The following MACROD2 variants were observed in gnomAD, a reference collection of about 807,000 sequenced individuals.
The protein encoded by MACROD2 is ADP-ribose glycohydrolase MACROD2.
A neutral mutation model predicts 70.4 loss-of-function variants in MACROD2; 36 were observed. The ratio of observed to expected loss-of-function variants is 0.51; its 90% CI spans 0.39 to 0.68. MACROD2 has a LOEUF of 0.68. MACROD2 is among the 30% of genes least tolerant of loss of function. The pLI, the probability that MACROD2 is intolerant of heterozygous loss-of-function variation, is 0.00. For missense variants in MACROD2, 496 were observed against 538.4 expected (o/e 0.92, Z 0.78); for synonymous variants, 172 against 178.8 (o/e 0.96, Z 0.30).
intron 3 of MACROD2, among the ~76,000 whole-genome samples, chr20:14,163,027 G>A (rs745696069): frequency 1.3e-5 from 2 of 151,968 alleles, no homozygotes; most frequent in Non-Finnish European, 2.9e-5. Flanking sequence ...TTTTATTTGT[G>A]TTTGCTTCAC....
intron 8 of MACROD2, among the ~76,000 whole-genome samples, chr20:15,671,020 A>G (rs1349208362): frequency 5.3e-5 from 8 of 152,244 alleles, no homozygotes; most frequent in African/African-American, 1.9e-4. Context: ...TTAAAACAGT[A>G]ACAATTTAAT....
chr20:15,664,229 A>G (rs1024975575), intron 8 of MACROD2, among the ~76,000 whole-genome samples: 8 of 152,220 alleles, frequency 5.3e-5, no homozygotes, highest in Non-Finnish European at 1.2e-4. Context: ...TTAAGAAAAT[A>G]GGGGGGATGG....
chr20:14,990,802 A>G (rs1314914334), intron 5 of MACROD2, among the ~76,000 whole-genome samples: 2 of 151,936 alleles, frequency 1.3e-5, no homozygotes, highest in South Asian at 2.1e-4. Flanking sequence ...GTGAGCCACC[A>G]CGCCCGGCTG....
chr20:15,995,649 C>CTTTGTTTTTTTTTTTTTTTTTTT (rs2066619000), intron 15 of MACROD2, among the ~76,000 whole-genome samples: 1 of 85,508 alleles, frequency 1.2e-5, no homozygotes, highest in Non-Finnish European at 2.3e-5. Flanking sequence ...TATGCCCGGC[C>CTTTGTTTTTTTTTTTTTTTTTTT]TTTTTTTTTT....
chr20:14,732,971 TAA>T (rs2071616505), intron 5 of MACROD2, among the ~76,000 whole-genome samples: 2 of 152,148 alleles, frequency 1.3e-5, no homozygotes, highest in African/African-American at 4.8e-5. Context: ...AATAGAAGAA[TAA>T]AAGACATAGC....
intron 5 of MACROD2, among the ~76,000 whole-genome samples, chr20:14,804,867 G>A (rs942138900): frequency 1.3e-5 from 2 of 151,076 alleles, no homozygotes; most frequent in Admixed American, 1.3e-4. Flanking sequence ...GTGTGTGTGT[G>A]TGTGTGCTTT....
chr20:14,082,115 A>G (rs2054002468), intron 2 of MACROD2, among the ~76,000 whole-genome samples: 1 of 151,992 alleles, frequency 6.6e-6, no homozygotes. Context: ...TTTTGAAACA[A>G]CTGAACGGTG....
intron 4 of MACROD2, among the ~76,000 whole-genome samples, chr20:14,579,818 T>A (rs1193477555): frequency 6.6e-6 from 1 of 152,210 alleles, no homozygotes; most frequent in Non-Finnish European, 1.5e-5. Flanking sequence ...CTGTGAGGAA[T>A]AAAGTAGTTG....
chr20:14,167,074 C>T (rs1025768888), intron 3 of MACROD2, among the ~76,000 whole-genome samples: 2 of 152,144 alleles, frequency 1.3e-5, no homozygotes, highest in African/African-American at 4.8e-5. Flanking sequence ...TACTCTTTAA[C>T]ATGTCTTGAT....
chr20:14,523,958 G>A (rs1055967337), intron 4 of MACROD2, among the ~76,000 whole-genome samples: 9 of 152,132 alleles, frequency 5.9e-5, no homozygotes, highest in African/African-American at 9.7e-5. Context: ...TGATCCGGAC[G>A]TTGTTCATCT....
intron 5 of MACROD2, among the ~76,000 whole-genome samples, chr20:15,129,939 G>A (rs1161029037): frequency 1.3e-5 from 2 of 152,122 alleles, no homozygotes; most frequent in Non-Finnish European, 2.9e-5. Flanking sequence ...ACAGAAAGCA[G>A]TAGAGGGGTA....
intron 5 of MACROD2, among the ~76,000 whole-genome samples, chr20:14,818,448 T>C (rs1474773202): frequency 3.3e-5 from 5 of 152,210 alleles, no homozygotes; most frequent in African/African-American, 1.2e-4. Context: ...TGCATTCATA[T>C]AGAAAAGGGA....
At chr20:14,073,897 G>A (rs965813288) in intron 2 of MACROD2, among the ~76,000 whole-genome samples, 2 of 152,150 alleles carry the variant, frequency 1.3e-5, no homozygotes, top group Non-Finnish European at 2.9e-5. Context: ...CCAAACTTTA[G>A]TTAGGTCCCT....
intron 5 of MACROD2, among the ~76,000 whole-genome samples, chr20:14,941,629 A>C (rs2074390444): frequency 6.6e-6 from 1 of 152,006 alleles, no homozygotes; most frequent in Admixed American, 6.6e-5. Context: ...TTTTAGTTCT[A>C]GGGTATTGCT....
chr20:15,301,729 C>A (rs2077646105), intron 6 of MACROD2, among the ~76,000 whole-genome samples: 1 of 151,236 alleles, frequency 6.6e-6, no homozygotes, highest in Non-Finnish European at 1.5e-5. Context: ...AATGCACCTG[C>A]CTAAAATTAT....
At chr20:14,430,361 A>G (rs2083981498) in intron 3 of MACROD2, among the ~76,000 whole-genome samples, 1 of 152,162 alleles carries the variant, frequency 6.6e-6, no homozygotes, top group South Asian at 2.1e-4. Flanking sequence ...AGTGTGGAGA[A>G]CATCTAGGAG....
chr20:15,799,615 A>G (rs995528201), intron 8 of MACROD2, among the ~76,000 whole-genome samples: 1 of 152,340 alleles, frequency 6.6e-6, no homozygotes, highest in African/African-American at 2.4e-5. Context: ...CTTGCAAATA[A>G]CAGAATTTCA....
chr20:14,348,936 T>C (rs2083092048), intron 3 of MACROD2, among the ~76,000 whole-genome samples: 1 of 151,902 alleles, frequency 6.6e-6, no homozygotes, highest in Non-Finnish European at 1.5e-5. Context: ...GGCATGGTGG[T>C]ACATGCCTAT....
At chr20:15,227,230 A>G (rs187890684) in intron 5 of MACROD2, among the ~76,000 whole-genome samples, 24 of 152,332 alleles carry the variant, frequency 1.6e-4, no homozygotes, top group African/African-American at 4.8e-4. Context: ...ATAATTTTTC[A>G]TAAATTTCAT....
Sources: gnomAD v4.1 joint callset for allele counts (sites outside exome capture counted in the v4.1 genomes callset) on GRCh38, gnomAD v4.1.1 for gene constraint, MANE v1.5 for transcripts, NCBI Gene and HGNC (gene_info 2026-07-23, HGNC 2026-07-21) for gene names.